MYO6: variants seen among roughly 807,000 people sequenced by gnomAD.
MYO6 encodes unconventional myosin-VI.
In MYO6, 74 loss-of-function variants were observed where a neutral mutation model predicts 178.7. The observed-to-expected ratio is 0.41, with a 90% CI of 0.34 to 0.50. MYO6 has a LOEUF of 0.50. Among genes scored for constraint, MYO6 ranks in the 20% least tolerant of loss-of-function variants. The pLI, the probability that MYO6 is intolerant of heterozygous loss-of-function variation, is 0.09. For missense variants in MYO6, 1,330 were observed against 1,547.4 expected, an observed-to-expected ratio of 0.86 and a Z score of 2.36; for synonymous variants, 477 against 504.6, an observed-to-expected ratio of 0.95 and a Z score of 0.73.
rs554539065 is a variant in MYO6, at chr6:75,755,165, C to G, written c.-48+5742C>G. ...GGAGGATCTCCTGAGCCCAAGAGGT[C>G]AAGGCTGCAGTGAGCTGTGATTGCA... On this transcript the variant is annotated intron_variant, in intron 1 of 34. Coordinates refer to ENST00000369977, the MANE Select transcript of MYO6 (RefSeq NM_004999.4). Among the ~76,000 whole-genome samples the G allele has an allele frequency of 6.6e-5, 10 of 152,266 alleles. No homozygotes were observed. The South Asian group carries it at 2.1e-3, about 32-fold the overall frequency.
Position 75,777,013 on chromosome 6 carries a change from A to G in MYO6, c.-48+27590A>G, listed in dbSNP as rs538820613. On this transcript the variant is annotated intron_variant, in intron 1 of 34. Coordinates refer to ENST00000369977, the MANE Select transcript of MYO6 (RefSeq NM_004999.4). The stretch of plus-strand genomic sequence containing the variant: ...GAAACCATTTTTTTAATCGATAGGT[A>G]TTCAGATGGTTTGTGGTTTTTCCTC... Among the ~76,000 whole-genome samples the G allele has an allele frequency of 1.1e-4, 16 of 152,246 alleles. No homozygotes were observed. In the South Asian group the frequency reaches 3.3e-3, roughly 32 times the overall value.
At chr6:75,831,212 C>T (rs895008572) in intron 5 of MYO6, among the ~76,000 whole-genome samples, 1 of 152,106 alleles carries the variant, frequency 6.6e-6, no homozygotes, top group African/African-American at 2.4e-5. Flanking sequence ...TGTTAGCTAA[C>T]CCTTTGCATT....
intron 1 of MYO6, among the ~76,000 whole-genome samples, chr6:75,796,755 A>G (rs1238734645): frequency 6.6e-6 from 1 of 151,868 alleles, no homozygotes; most frequent in Non-Finnish European, 1.5e-5. Flanking sequence ...GGCATGAGCC[A>G]CCACACCTGG....
At chr6:75,912,677 TGGAG>T (rs1430767733) in intron 33 of MYO6, among the ~76,000 whole-genome samples, 2 of 152,084 alleles carry the variant, frequency 1.3e-5, no homozygotes, top group Non-Finnish European at 2.9e-5. Flanking sequence ...CTACTTTAGA[TGGAG>T]GGAAGGTTTT....
chr6:75,917,418 C>G lies in MYO6; in HGVS notation c.*2406C>G, dbSNP rs1167501150. 2.0e-5 allele frequency: 3 copies of G among 152,490 alleles called. No individual in the cohort carries two copies. The highest frequency in any genetic ancestry group is 4.4e-5 in the Non-Finnish European group (3 of 68,010). The allele number at this position is 152,490 out of a possible 1,614,324, so 9.4% of individuals were successfully genotyped here. ...ATTTGATTCAATTTTAATATAATTC[C>G]TAATTGTGGTAACACAGTTGAGATA... On this transcript the variant is annotated 3_prime_UTR_variant, in exon 35 of 35. Transcript: ENST00000369977.
chr6:75,835,912 A>G lies in MYO6; in HGVS notation c.509A>G (p.Glu170Gly). 1.2e-6 allele frequency: 2 copies of G among 1,601,200 alleles called. No individual in the cohort carries two copies. The highest frequency in any genetic ancestry group is 1.7e-6 in the Non-Finnish European group (2 of 1,168,312). Reference protein sequence around the residue: ...NTKFVLRYLTESYGTGQDIDD... With the variant: ...NTKFVLRYLTGSYGTGQDIDD... ...TATATTTTAAACAGATACCTGACTG[A>G]ATCCTATGGAACAGGTCAAGATATT... Residue 170 changes from glutamate to glycine, a missense_variant, in exon 7 of 35, where the codon GAA becomes GGA. Glu to Gly is a moderately conservative substitution (Grantham distance 98, BLOSUM62 -2). Transcript: ENST00000369977.
At chr6:75,886,233 T>C in intron 24 of MYO6, 139 bp downstream of exon 24, 1 of 634,366 alleles carries the variant, frequency 1.6e-6, no homozygotes, top group Non-Finnish European at 2.8e-6. Context: ...TAGTCTTTTA[T>C]TTGTAATATT....
In MYO6 at chr6:75,911,653, A is replaced by T; in HGVS notation, c.3413-19A>T. ...TTGGCATTTTTATCTTTTCTTCAAC[A>T]TAAAATATTTGTTCACAGATTTTGC... On this transcript the variant is annotated intron_variant, in intron 32 of 34. Coordinates refer to ENST00000369977, the MANE Select transcript of MYO6 (RefSeq NM_004999.4). 6.2e-7 allele frequency: 1 copy of T among 1,607,184 alleles called. No homozygotes were observed. The highest frequency in any genetic ancestry group is 8.5e-7 in the Non-Finnish European group (1 of 1,174,146).
chr6:75,874,178 T>C (rs1487332192), intron 20 of MYO6, among the ~76,000 whole-genome samples: 6 of 152,228 alleles, frequency 3.9e-5, no homozygotes, highest in Admixed American at 3.9e-4. Context: ...TCTGCTTCGC[T>C]AAAGGCCTCT....
rs765565236 is a variant in MYO6 at position 75,787,676 on chromosome 6, TTCTCTCTCTCTCTCTCTCTCTCTCTCTC to T, written c.-47-29797_-47-29770del. Among the ~76,000 whole-genome samples, 16 of 25,008 alleles carry T rather than the reference TTCTCTCTCTCTCTCTCTCTCTCTCTCTC, an allele frequency of 6.4e-4. 1 individual carries two copies. The highest frequency in any genetic ancestry group is 3.0e-3 in the African/African-American group (13 of 4,290). The allele number at this position is 25,008 out of a possible 152,430, so 16.4% of individuals were successfully genotyped here. ...ATATATATATGGGGGAATGGAACTATTCTCTCTCTCTCTCTCTCTCTCTCTCTCTCTCTCTCTCTCTCTCTCTCTCTCT... is the reference window on the plus strand; with the variant it reads ...ATATATATATGGGGGAATGGAACTATTCTCTCTCTCTCTCTCTCTCTCTCT... On this transcript the variant is annotated intron_variant, in intron 1 of 34. Coordinates refer to ENST00000369977, the MANE Select transcript of MYO6 (RefSeq NM_004999.4).
intron 5 of MYO6, among the ~76,000 whole-genome samples, chr6:75,830,772 C>T (rs558696315): frequency 3.3e-5 from 5 of 152,284 alleles, no homozygotes; most frequent in Non-Finnish European, 5.9e-5. Flanking sequence ...ACATCATTAT[C>T]TGTGTTAAAT....
At position 75,866,599 on chromosome 6, in the gene MYO6, C is replaced by T. The variant is rs766684928; in HGVS notation, c.1748C>T (p.Ala583Val). ...GAAGGCTTCATTATCAGGCATTTTG[C>T]GGGGGCAGTGTGCTATGAAACAGTG... is the stretch of plus-strand genomic sequence containing the variant. ...DDEGFIIRHF[A>V]GAVCYETTQF... The change falls in exon 17 of 35, where the codon GCG becomes GTG. Residue 583 changes from alanine to valine, a missense_variant. Coordinates refer to ENST00000369977, the MANE Select transcript of MYO6 (RefSeq NM_004999.4). 57 of 1,613,602 alleles carry T rather than the reference C, an allele frequency of 3.5e-5. No homozygotes were observed. Among genetic ancestry groups the T allele is most frequent in the Middle Eastern group, 1.6e-4 (1 of 6,084 alleles).
At chr6:75,806,714 G>C (rs1770129846) in intron 1 of MYO6, among the ~76,000 whole-genome samples, 1 of 152,232 alleles carries the variant, frequency 6.6e-6, no homozygotes, top group Non-Finnish European at 1.5e-5. Context: ...GTGCCTTAAG[G>C]ACATGTTCCT....
Position 75,886,940 on chromosome 6 carries a change from TAA to T in MYO6, c.2606_2607del (p.Lys869ThrfsTer10). ...VLKDGKPEMN[K>X]QIKNLEISID... Reference sequence around the variant, plus strand: ...TGAAAGATGGAAAACCCGAGATGAATAAACAGATCAAGAATCTGGAAATTTCT... The same window carrying T: ...TGAAAGATGGAAAACCCGAGATGAATACAGATCAAGAATCTGGAAATTTCT... On this transcript the variant is annotated frameshift_variant, in exon 25 of 35. Transcript: ENST00000369977. LOFTEE classifies it high-confidence loss of function. 1 of 1,613,502 alleles carries T rather than the reference TAA, an allele frequency of 6.2e-7. No homozygotes were observed. The highest frequency in any genetic ancestry group is 8.5e-7 in the Non-Finnish European group (1 of 1,179,590).
chr6:75,817,720 T>G lies in MYO6; in HGVS notation c.117+56T>G, dbSNP rs928281063. ...ATTTCTTTCAAAAATAGGTGTTTTT[T>G]TTCACAAGAGTAAGGTCTGTCTTCT... On this transcript the variant is annotated intron_variant, in intron 2 of 34. Coordinates refer to ENST00000369977, the MANE Select transcript of MYO6 (RefSeq NM_004999.4). The G allele has an allele frequency of 3.4e-6, 5 of 1,469,604 alleles. No individual in the cohort carries two copies. In the Admixed American group the frequency reaches 8.4e-5, roughly 25 times the overall value. 91.0% of individuals were successfully genotyped at this position (1,469,604 alleles called of 1,614,324 possible). A position where few individuals can be genotyped will look rare whatever the true frequency, so the allele number is the denominator to read the frequency against.
chr6:75,899,267 A>T (rs1779542640), intron 30 of MYO6, among the ~76,000 whole-genome samples: 1 of 152,164 alleles, frequency 6.6e-6, no homozygotes, highest in Admixed American at 6.5e-5. Flanking sequence ...AAGTATCAAA[A>T]CACATTTTAC....
At chr6:75,845,473 G>A (rs1413723627) in intron 10 of MYO6, among the ~76,000 whole-genome samples, 4 of 151,406 alleles carry the variant, frequency 2.6e-5, no homozygotes, top group Non-Finnish European at 4.4e-5. Flanking sequence ...CGGGAGGATC[G>A]TTTGAAGCCA....
chr6:75,831,714 A>G lies in MYO6; in HGVS notation c.392-1128A>G, dbSNP rs553698515. On this transcript the variant is annotated intron_variant, in intron 5 of 34. Coordinates refer to ENST00000369977, the MANE Select transcript of MYO6 (RefSeq NM_004999.4). The stretch of plus-strand genomic sequence containing the variant: ...CAAGACCAGCCTGGGCAAACATGCA[A>G]AATCTTGTCTCTATAAAAAAAATGA... Among the ~76,000 whole-genome samples the G allele has an allele frequency of 1.4e-4, 21 of 151,986 alleles. No individual in the cohort carries two copies. In the South Asian group the frequency reaches 4.0e-3, roughly 29 times the overall value.
intron 25 of MYO6, among the ~76,000 whole-genome samples, chr6:75,889,252 A>G (rs1207485708): frequency 6.6e-6 from 1 of 152,242 alleles, no homozygotes; most frequent in Non-Finnish European, 1.5e-5. Flanking sequence ...GTATCATTAT[A>G]AATTAAAATT....
Sources: gnomAD v4.1 joint callset for allele counts (sites outside exome capture counted in the v4.1 genomes callset) on GRCh38, gnomAD v4.1.1 for gene constraint, MANE v1.5 for transcripts, NCBI Gene and HGNC (gene_info 2026-07-23, HGNC 2026-07-21) for gene names.